The following CNTN5 variants were observed in gnomAD, a reference collection of about 807,000 sequenced individuals.
CNTN5 encodes the protein contactin-5.
CNTN5 carries 77 observed loss-of-function variants against 129.1 expected under a neutral mutation model. The ratio of observed to expected loss-of-function variants is 0.60; its 90% confidence interval spans 0.50 to 0.72. The LOEUF (loss-of-function observed/expected upper bound fraction) is 0.72, where lower values mean the gene tolerates loss of function less well. Among genes scored for constraint, CNTN5 ranks in the 30% least tolerant of loss-of-function variants. The pLI, the probability that CNTN5 is intolerant of heterozygous loss-of-function variation, is 0.00. For missense variants in CNTN5, 1,478 were observed against 1,328.8 expected (o/e 1.11, Z -1.75); for synonymous variants, 509 against 465.6 (o/e 1.09, Z -1.20).
chr11:100,006,605 G>C (rs75234082), intron 9 of CNTN5, among the ~76,000 whole-genome samples: 5 of 152,202 alleles, frequency 3.3e-5, no homozygotes, highest in African/African-American at 1.2e-4. Flanking sequence ...ACATCTTCCT[G>C]TTCCACTTCT....
chr11:100,106,217 C>G (rs1945427181), intron 13 of CNTN5, among the ~76,000 whole-genome samples: 1 of 152,122 alleles, frequency 6.6e-6, no homozygotes, highest in African/African-American at 2.4e-5. Context: ...GCAGCTGTCA[C>G]CTTCACTCAC....
rs181553151 is a variant in CNTN5, at chr11:99,806,807, C to T, written c.56-12737C>T. Among the ~76,000 whole-genome samples, 240 of 111,242 alleles carry T rather than the reference C, an allele frequency of 2.2e-3. 1 individual carries two copies. The highest frequency in any genetic ancestry group is 8.9e-3 in the African/African-American group (234 of 26,274). 73.0% of individuals were successfully genotyped at this position (111,242 alleles called of 152,430 possible). Reference sequence around the variant, plus strand: ...GGGCGACAGAGCAAGACTCTTCCCCCACCCCCTGCAAAAAAAAAAAAAAAT... The same window carrying T: ...GGGCGACAGAGCAAGACTCTTCCCCTACCCCCTGCAAAAAAAAAAAAAAAT... On this transcript the variant is annotated intron_variant, in intron 3 of 24. Coordinates refer to ENST00000524871, the MANE Select transcript of CNTN5 (RefSeq NM_014361.4).
chr11:99,094,010 A>C (rs925562355), intron 1 of CNTN5, among the ~76,000 whole-genome samples: 3 of 151,978 alleles, frequency 2.0e-5, no homozygotes, highest in Admixed American at 6.6e-5. Context: ...TATAGTAGAA[A>C]TATTTCTGAA....
At chr11:99,409,795 T>C (rs1478510896) in intron 2 of CNTN5, among the ~76,000 whole-genome samples, 3 of 152,222 alleles carry the variant, frequency 2.0e-5, no homozygotes, top group Admixed American at 6.5e-5. Context: ...GACCTAATAA[T>C]TGAACCAAAA....
At chr11:99,921,600 T>C (rs1034155243) in intron 7 of CNTN5, among the ~76,000 whole-genome samples, 3 of 152,204 alleles carry the variant, frequency 2.0e-5, no homozygotes, top group African/African-American at 7.2e-5. Flanking sequence ...GCTCCTAGCA[T>C]TCCATATACT....
intron 1 of CNTN5, among the ~76,000 whole-genome samples, chr11:99,061,795 C>A (rs1315180961): frequency 1.3e-5 from 2 of 151,850 alleles, no homozygotes; most frequent in South Asian, 2.1e-4. Context: ...AGTTTGAGAC[C>A]AGTCTGGGCA....
chr11:100,347,625 A>C (rs1195333395), intron 23 of CNTN5, among the ~76,000 whole-genome samples: 1 of 152,092 alleles, frequency 6.6e-6, no homozygotes, highest in African/African-American at 2.4e-5. Flanking sequence ...CATGCCCAAA[A>C]AGAAATCTTG....
intron 8 of CNTN5, among the ~76,000 whole-genome samples, chr11:99,980,544 G>A (rs1025029213): frequency 3.3e-5 from 5 of 152,128 alleles, no homozygotes; most frequent in Admixed American, 2.0e-4. Flanking sequence ...GAACTAGGAC[G>A]ATTTGCAAAG....
Position 100,148,838 on chromosome 11 carries a change from A to AT in CNTN5, c.1581-42286dup, listed in dbSNP as rs1555021887. Among the ~76,000 whole-genome samples the AT allele has an allele frequency of 3.5e-3, 537 of 152,104 alleles. 3 individuals carry two copies. Among genetic ancestry groups the AT allele is most frequent in the African/African-American group, 0.012 (510 of 41,484 alleles). On this transcript the variant is annotated intron_variant, in intron 13 of 24. Transcript: ENST00000524871. ...ATCTTGCGGTGTAAATATTTATTTG[A>AT]TTGTTTGGTAGTGCGGTTCTTATTT...
chr11:99,915,681 A>G (rs1949770229), intron 6 of CNTN5, among the ~76,000 whole-genome samples: 1 of 152,182 alleles, frequency 6.6e-6, no homozygotes, highest in African/African-American at 2.4e-5. Flanking sequence ...CAAGTCCTCT[A>G]ACCAGTTCTG....
chr11:99,253,139 C>T (rs1862200861), intron 1 of CNTN5, among the ~76,000 whole-genome samples: 1 of 152,018 alleles, frequency 6.6e-6, no homozygotes, highest in African/African-American at 2.4e-5. Context: ...ATTAGTTTCC[C>T]CCATACTGTT....
At chr11:100,054,673 GT>G (rs892157114) in intron 9 of CNTN5, among the ~76,000 whole-genome samples, 6 of 151,672 alleles carry the variant, frequency 4.0e-5, no homozygotes, top group African/African-American at 1.4e-4. Flanking sequence ...TATTTACTGT[GT>G]TGTTCTGTCA....
chr11:99,914,156 G>C (rs1244290561), intron 6 of CNTN5, among the ~76,000 whole-genome samples: 1 of 152,014 alleles, frequency 6.6e-6, no homozygotes, highest in Non-Finnish European at 1.5e-5. Context: ...AGGATTTCTT[G>C]ACCCCAGGAT....
At chr11:99,694,676 C>A (rs569848574) in intron 3 of CNTN5, among the ~76,000 whole-genome samples, 4 of 152,190 alleles carry the variant, frequency 2.6e-5, no homozygotes, top group East Asian at 1.9e-4. Context: ...CCGAGCCCCC[C>A]ACCCCCTGGC....
At chr11:100,253,776 A>AT (rs1053673681) in intron 16 of CNTN5, among the ~76,000 whole-genome samples, 36 of 152,076 alleles carry the variant, frequency 2.4e-4, no homozygotes, top group Non-Finnish European at 4.6e-4. Context: ...CAATAGACAT[A>AT]TTTTTTCATA....
At chr11:100,031,271 T>G (rs1242698738) in intron 9 of CNTN5, among the ~76,000 whole-genome samples, 1 of 152,228 alleles carries the variant, frequency 6.6e-6, no homozygotes, top group Non-Finnish European at 1.5e-5. Context: ...AAGTTGCATG[T>G]GGGATTGTGT....
At chr11:99,434,520 A>C (rs1427312868) in intron 2 of CNTN5, among the ~76,000 whole-genome samples, 1 of 152,148 alleles carries the variant, frequency 6.6e-6, no homozygotes, top group Non-Finnish European at 1.5e-5. Flanking sequence ...TTTCTTTGCT[A>C]TGCCCAGAAG....
chr11:100,014,950 C>G (rs905918143), intron 9 of CNTN5, among the ~76,000 whole-genome samples: 1 of 152,128 alleles, frequency 6.6e-6, no homozygotes. Flanking sequence ...TTTATTATCA[C>G]TACGGGTGAC....
At chr11:99,484,503 A>G (rs1945731123) in intron 2 of CNTN5, among the ~76,000 whole-genome samples, 2 of 152,198 alleles carry the variant, frequency 1.3e-5, no homozygotes, top group African/African-American at 4.8e-5. Flanking sequence ...CAGTGTTACC[A>G]TTTGATCTAG....
Sources: gnomAD v4.1 joint callset for allele counts (sites outside exome capture counted in the v4.1 genomes callset) on GRCh38, gnomAD v4.1.1 for gene constraint, MANE v1.5 for transcripts, NCBI Gene and HGNC (gene_info 2026-07-23, HGNC 2026-07-21) for gene names.